INPP5A: variants seen among roughly 807,000 people sequenced by gnomAD.
INPP5A encodes the protein 43 kDa inositol polyphosphate 5-phophatase.
Under a neutral mutation model 65.2 loss-of-function variants are expected in INPP5A, and 14 were observed. The observed-to-expected ratio is 0.21, with a 90% CI of 0.14 to 0.34. The LOEUF (loss-of-function observed/expected upper bound fraction) is 0.34, where lower values mean the gene tolerates loss of function less well. Among genes scored for constraint, INPP5A ranks in the 10% least tolerant of loss-of-function variants. The pLI is 1.00. For synonymous variants in INPP5A, 207 were observed against 208.3 expected (o/e 0.99, Z 0.05); for missense variants, 431 against 545.6 (o/e 0.79, Z 2.09).
chr10:132,588,969 TGTG>T (rs1469380336), intron 1 of INPP5A, among the ~76,000 whole-genome samples: 2 of 151,902 alleles, frequency 1.3e-5, no homozygotes, highest in South Asian at 2.1e-4. Flanking sequence ...GAGTGTGGGT[TGTG>T]GTCCCACGTT....
In INPP5A at chr10:132,766,323, A is replaced by G. The variant is rs1846844511; in HGVS notation, c.977+477A>G. On this transcript the variant is annotated intron_variant, in intron 12 of 15. Transcript: ENST00000368594. The stretch of plus-strand genomic sequence containing the variant: ...CTTTTTCCAAAAAAGGTTTTTTCCA[A>G]TATGCAAAATACTTTCTTATCAGAC... 2.0e-5 allele frequency among the ~76,000 whole-genome samples: 3 copies of G among 152,342 alleles called. No individual in the cohort carries two copies. In the South Asian group the frequency reaches 6.2e-4, roughly 32 times the overall value.
chr10:132,761,650 T>A (rs1017294153), intron 11 of INPP5A, among the ~76,000 whole-genome samples: 7 of 152,098 alleles, frequency 4.6e-5, no homozygotes, highest in African/African-American at 1.4e-4. Flanking sequence ...CCTGGGTGAC[T>A]CCAAGCTGTG....
intron 1 of INPP5A, among the ~76,000 whole-genome samples, chr10:132,560,041 C>T (rs2071182483): frequency 6.7e-6 from 1 of 149,810 alleles, no homozygotes; most frequent in African/African-American, 2.5e-5. Context: ...GCTGTGTGAA[C>T]ATGTGTCTCC....
At chr10:132,729,735 A>G (rs922029333) in intron 9 of INPP5A, among the ~76,000 whole-genome samples, 9 of 152,198 alleles carry the variant, frequency 5.9e-5, no homozygotes, top group Non-Finnish European at 1.3e-4. Context: ...GAGTTCGAAG[A>G]TTCCCATCAC....
In INPP5A at chr10:132,609,676, A is replaced by G. The variant is rs113392986; in HGVS notation, c.117+1720A>G. 2.9e-3 allele frequency among the ~76,000 whole-genome samples: 445 copies of G among 152,052 alleles called. 2 individuals are homozygous for G. The highest frequency in any genetic ancestry group is 0.01 in the African/African-American group (426 of 41,462). On this transcript the variant is annotated intron_variant, in intron 2 of 15. Transcript: ENST00000368594. ...GTTTTTGTTTTTGAGACGGAGTCTC[A>G]CTCTGTCACCCAGACTGGAGTGCAG...
In INPP5A at chr10:132,706,083, A is replaced by T. The variant is rs1323902211; in HGVS notation, c.475-2230A>T. On this transcript the variant is annotated intron_variant, in intron 6 of 15. Coordinates refer to ENST00000368594, the MANE Select transcript of INPP5A (RefSeq NM_005539.5). The surrounding 1 kb of genome is among the most constrained non-coding windows in gnomAD (Gnocchi z 4.7). ...ATGAAGAGGAGCCTGTAGAAACATT[A>T]AACATTCTGCATTAGAAATTACAGA... is the stretch of plus-strand genomic sequence containing the variant. Among the ~76,000 whole-genome samples, 1 of 152,274 alleles carries T rather than the reference A, an allele frequency of 6.6e-6. No homozygotes were observed. The highest frequency in any genetic ancestry group is 2.4e-5 in the African/African-American group (1 of 41,472).
At chr10:132,767,190 G>A (rs1846862909) in intron 12 of INPP5A, among the ~76,000 whole-genome samples, 1 of 119,600 alleles carries the variant, frequency 8.4e-6, no homozygotes. Flanking sequence ...GGGAGCTTGG[G>A]TGGGAGCTGG....
At chr10:132,609,681 G>T (rs976695443) in intron 2 of INPP5A, among the ~76,000 whole-genome samples, 1 of 152,194 alleles carries the variant, frequency 6.6e-6, no homozygotes, top group Non-Finnish European at 1.5e-5. Flanking sequence ...GTCTCACTCT[G>T]TCACCCAGAC....
chr10:132,662,519 T>C (rs1191540329), intron 4 of INPP5A, among the ~76,000 whole-genome samples: 1 of 152,244 alleles, frequency 6.6e-6, no homozygotes, highest in Non-Finnish European at 1.5e-5. Context: ...TATGATTTCA[T>C]GTATATCATA....
At chr10:132,744,458 C>T (rs368023572) in intron 9 of INPP5A, among the ~76,000 whole-genome samples, 3 of 152,182 alleles carry the variant, frequency 2.0e-5, no homozygotes, top group Admixed American at 6.5e-5. Flanking sequence ...TCTATGGAAT[C>T]GGTGTCAGCG....
At chr10:132,646,622 C>G (rs978248648) in intron 3 of INPP5A, among the ~76,000 whole-genome samples, 1 of 152,218 alleles carries the variant, frequency 6.6e-6, no homozygotes. Context: ...CTCTGTGTCC[C>G]CTACAGTGTG....
In INPP5A at chr10:132,545,360, G is replaced by A. The variant is rs140189388; in HGVS notation, c.75+7189G>A. Among the ~76,000 whole-genome samples the A allele has an allele frequency of 0.017, 2,626 of 152,282 alleles. 72 individuals carry two copies. Among genetic ancestry groups the A allele is most frequent in the African/African-American group, 0.058 (2,425 of 41,538 alleles). On this transcript the variant is annotated intron_variant, in intron 1 of 15. Transcript: ENST00000368594. This position sits in a 1 kb window ranked among gnomAD's most constrained non-coding sequence, Gnocchi z 4.6. ...TTCGGAAGACTTTGACCAGATCGGG[G>A]CGGCTGAGGGGGCTGCCTACGGCAG...
chr10:132,637,226 A>T lies in INPP5A; in HGVS notation c.118-8642A>T, dbSNP rs1170249557. Among the ~76,000 whole-genome samples the T allele has an allele frequency of 1.3e-5, 2 of 152,120 alleles. No individual in the cohort carries two copies. The highest frequency in any genetic ancestry group is 4.8e-5 in the African/African-American group (2 of 41,402). On this transcript the variant is annotated intron_variant, in intron 2 of 15. Coordinates refer to ENST00000368594, the MANE Select transcript of INPP5A (RefSeq NM_005539.5). This position sits in a 1 kb window ranked among gnomAD's most constrained non-coding sequence, Gnocchi z 4.1. ...GCGTGAGCCACCTGTTGTTTAATTG[A>T]TCTTTTTTACCTGGAGGCCATGAGG... is the stretch of plus-strand genomic sequence containing the variant.
At chr10:132,740,404 C>T (rs1846252574) in intron 9 of INPP5A, among the ~76,000 whole-genome samples, 1 of 152,188 alleles carries the variant, frequency 6.6e-6, no homozygotes, top group South Asian at 2.1e-4. Context: ...ACAGCGAAAG[C>T]ATTACGTTGG....
At chr10:132,703,370 G>A (rs990581102) in intron 6 of INPP5A, among the ~76,000 whole-genome samples, 1 of 152,066 alleles carries the variant, frequency 6.6e-6, no homozygotes, top group Non-Finnish European at 1.5e-5. Flanking sequence ...TGATGGAGTT[G>A]GTTTCTGGGG....
chr10:132,588,742 G>A (rs192838531), intron 1 of INPP5A, among the ~76,000 whole-genome samples: 108 of 152,342 alleles, frequency 7.1e-4, no homozygotes, highest in Non-Finnish European at 1.3e-3. Flanking sequence ...ATGAGTTGAC[G>A]TTCTGGTGTG....
chr10:132,716,858 C>T (rs1004045418), intron 8 of INPP5A, among the ~76,000 whole-genome samples: 1 of 152,242 alleles, frequency 6.6e-6, no homozygotes, highest in East Asian at 1.9e-4. Context: ...GAGAGCCCTG[C>T]ACAGCCCTCC....
At chr10:132,554,414 T>C (rs896267985) in intron 1 of INPP5A, among the ~76,000 whole-genome samples, 1 of 151,986 alleles carries the variant, frequency 6.6e-6, no homozygotes, top group Non-Finnish European at 1.5e-5. Context: ...CGGGGCTGGG[T>C]TCTGAGGGCT....
At chr10:132,664,981 A>G (rs2072783864) in intron 4 of INPP5A, among the ~76,000 whole-genome samples, 1 of 152,098 alleles carries the variant, frequency 6.6e-6, no homozygotes, top group African/African-American at 2.4e-5. Flanking sequence ...TGAGGCGTTG[A>G]GCAGTCAGGG....
Sources: allele counts gnomAD v4.1 joint callset (sites outside exome capture counted in the v4.1 genomes callset), GRCh38; gene constraint gnomAD v4.1.1; non-coding constraint Gnocchi (gnomAD v3.1); transcripts MANE v1.5; gene names NCBI Gene and HGNC (gene_info 2026-07-23, HGNC 2026-07-21).